ZPBP: variants seen among roughly 807,000 people sequenced by gnomAD.
The protein encoded by ZPBP is zona pellucida binding protein.
A neutral mutation model predicts 44.8 loss-of-function variants in ZPBP; 26 were observed. The ratio of observed to expected loss-of-function variants is 0.58; its 90% CI spans 0.43 to 0.81. The LOEUF is 0.81. Among genes scored for constraint, ZPBP ranks in the 30% least tolerant of loss-of-function variants. The probability of loss-of-function intolerance (pLI) is 0.00; values close to 1 mark genes in which losing one functional copy is unlikely to be tolerated. For missense variants in ZPBP, 409 were observed against 434.0 expected (o/e 0.94, Z 0.51); for synonymous variants, 174 against 153.2 (o/e 1.14, Z -1.00).
At chr7:49,994,148 T>C (rs1475296542) in intron 6 of ZPBP, among the ~76,000 whole-genome samples, 1 of 152,214 alleles carries the variant, frequency 6.6e-6, no homozygotes, top group Non-Finnish European at 1.5e-5. Context: ...TTCGTTCCAA[T>C]TGCACAGTTT....
chr7:49,851,469 C>T (rs905724235), intron 2 of ZPBP, among the ~76,000 whole-genome samples: 6 of 152,140 alleles, frequency 3.9e-5, no homozygotes, highest in Non-Finnish European at 5.9e-5. Flanking sequence ...TTGCTTAGCG[C>T]AATGTTATAT....
chr7:49,978,062 T>C (rs1386982383), intron 7 of ZPBP, among the ~76,000 whole-genome samples: 1 of 137,368 alleles, frequency 7.3e-6, no homozygotes. Flanking sequence ...TCTACAAGTT[T>C]GTTTGTTTTT....
chr7:50,030,817 T>C (rs1799574264), intron 5 of ZPBP, among the ~76,000 whole-genome samples: 2 of 152,152 alleles, frequency 1.3e-5, no homozygotes, highest in South Asian at 4.1e-4. Flanking sequence ...AATCATTATA[T>C]CTAAATATCA....
intron 2 of ZPBP, among the ~76,000 whole-genome samples, chr7:49,851,031 C>T (rs939297326): frequency 6.6e-6 from 1 of 152,190 alleles, no homozygotes; most frequent in African/African-American, 2.4e-5. Flanking sequence ...GGCCAGAAGT[C>T]TAAAGTAGAT....
At chr7:49,953,268 T>C (rs1270031889) in intron 7 of ZPBP, among the ~76,000 whole-genome samples, 3 of 152,078 alleles carry the variant, frequency 2.0e-5, no homozygotes, top group South Asian at 2.1e-4. Context: ...CCCCGGAGAT[T>C]AGTAGAATAT....
intron 1 of ZPBP, among the ~76,000 whole-genome samples, chr7:49,903,533 A>C (rs1047359184): frequency 6.6e-6 from 1 of 152,178 alleles, no homozygotes; most frequent in Admixed American, 6.5e-5. Flanking sequence ...GTATTCTTTT[A>C]ATAATAAAAC....
chr7:50,051,926 G>T (rs1800719775), intron 4 of ZPBP, among the ~76,000 whole-genome samples: 1 of 151,860 alleles, frequency 6.6e-6, no homozygotes, highest in African/African-American at 2.4e-5. Context: ...TAACGAGCCT[G>T]CACATCCTGC....
chr7:49,965,051 A>C (rs529839643), intron 7 of ZPBP, among the ~76,000 whole-genome samples: 23 of 152,246 alleles, frequency 1.5e-4, no homozygotes, highest in African/African-American at 5.5e-4. Context: ...AAGAAACTGA[A>C]AAGTCTTGCC....
downstream of ZPBP, among the ~76,000 whole-genome samples, chr7:49,849,653 G>A (rs1031081289): frequency 1.3e-5 from 2 of 152,182 alleles, no homozygotes; most frequent in African/African-American, 2.4e-5. Context: ...AGAGTCTAAC[G>A]CTGGGTGCTT....
chr7:50,016,501 T>C (rs1419327677), intron 6 of ZPBP, among the ~76,000 whole-genome samples: 6 of 152,004 alleles, frequency 3.9e-5, no homozygotes, highest in Non-Finnish European at 7.4e-5. Flanking sequence ...CCCAACGATG[T>C]GGAATTTACC....
rs1583682078 is a variant in ZPBP at position 49,853,553 on chromosome 7, G to C, written n.510-3039C>G. 1.3e-5 allele frequency among the ~76,000 whole-genome samples: 2 copies of C among 151,594 alleles called. 1 individual carries two copies. The highest frequency in any genetic ancestry group is 3.9e-4 in the East Asian group (2 of 5,174). The stretch of plus-strand genomic sequence containing the variant: ...TTTTGGTTTTTTTTTTCTTTATCAC[G>C]GTAGACTATAAACCCTATAATGAGA... On this transcript the variant is annotated intron_variant and non_coding_transcript_variant, in intron 2 of 2. Transcript: ENST00000465922.
At chr7:50,040,530 T>C (rs1265145524) in intron 4 of ZPBP, among the ~76,000 whole-genome samples, 1 of 152,078 alleles carries the variant, frequency 6.6e-6, no homozygotes, top group Admixed American at 6.6e-5. Context: ...TGAAGCAGGG[T>C]GGGTGTCGCC....
rs141743195 is a variant in ZPBP, at chr7:50,065,755, C to T, written c.335-7614G>A. Among the ~76,000 whole-genome samples, 100 of 151,082 alleles carry T rather than the reference C, an allele frequency of 6.6e-4. 4 individuals carry two copies. Among genetic ancestry groups the T allele is most frequent in the African/African-American group, 2.4e-3 (98 of 40,886 alleles). On this transcript the variant is annotated intron_variant, in intron 3 of 7. Coordinates refer to ENST00000046087, the MANE Select transcript of ZPBP (RefSeq NM_007009.3). ...TTTTGGTTGATGGGAGAAGCTCAGG[C>T]ACTGACTGATTAAAATGCTTTTAGA...
At chr7:50,008,724 G>T (rs1798427725) in intron 6 of ZPBP, among the ~76,000 whole-genome samples, 1 of 152,034 alleles carries the variant, frequency 6.6e-6, no homozygotes, top group South Asian at 2.1e-4. Flanking sequence ...CGTATACATG[G>T]TCAAAATGAT....
intron 1 of ZPBP, among the ~76,000 whole-genome samples, chr7:50,090,349 G>A (rs1481330372): frequency 6.6e-6 from 1 of 151,322 alleles, no homozygotes; most frequent in Admixed American, 6.6e-5. Context: ...AACATATAAT[G>A]TTTGGTTTTG....
At chr7:50,027,592 G>A (rs182641536) in intron 5 of ZPBP, among the ~76,000 whole-genome samples, 1 of 151,078 alleles carries the variant, frequency 6.6e-6, no homozygotes, top group Non-Finnish European at 1.5e-5. Flanking sequence ...TAAAACCAGA[G>A]GTAGCAAAAA....
chr7:50,078,167 T>C lies in ZPBP; in HGVS notation c.334+3607A>G, dbSNP rs150700085. On this transcript the variant is annotated intron_variant, in intron 3 of 7. Coordinates refer to ENST00000046087, the MANE Select transcript of ZPBP (RefSeq NM_007009.3). ...GAAGACAAACATTGCATGTTCTCAC[T>C]TGTCTGTAGGATCTAAAAATCAAAT... Among the ~76,000 whole-genome samples, 1,097 of 151,818 alleles carry C rather than the reference T, an allele frequency of 7.2e-3. 16 individuals are homozygous for C. Among genetic ancestry groups the C allele is most frequent in the African/African-American group, 0.025 (1,042 of 41,496 alleles).
chr7:50,067,436 T>C (rs1489665001), intron 3 of ZPBP, among the ~76,000 whole-genome samples: 1 of 152,228 alleles, frequency 6.6e-6, no homozygotes, highest in East Asian at 1.9e-4. Context: ...GGTCTTTTGC[T>C]AGCCAAAGAG....
chr7:49,880,567 T>C (rs1362416835), intron 2 of ZPBP, among the ~76,000 whole-genome samples: 1 of 151,520 alleles, frequency 6.6e-6, no homozygotes, highest in Non-Finnish European at 1.5e-5. Flanking sequence ...TTTTTTATCA[T>C]TTCTATTTTT....
Sources: allele counts gnomAD v4.1 joint callset (sites outside exome capture counted in the v4.1 genomes callset), GRCh38; gene constraint gnomAD v4.1.1; transcripts MANE v1.5; gene names NCBI Gene and HGNC (gene_info 2026-07-23, HGNC 2026-07-21).